The following C16orf74 variants were observed in gnomAD, a reference collection of about 807,000 sequenced individuals.
The protein encoded by C16orf74 is uncharacterized protein C16orf74.
In C16orf74, 10 loss-of-function variants were observed where a neutral mutation model predicts 6.5. The ratio of observed to expected loss-of-function variants is 1.54; its 90% CI spans 0.95 to 2.61. C16orf74 has a LOEUF of 2.61. C16orf74 is among the 30% of genes most tolerant of loss of function. C16orf74 has a pLI of 0.00. For missense variants in C16orf74, 141 were observed against 105.9 expected, an observed-to-expected ratio of 1.33 and a Z score of -1.45; for synonymous variants, 60 against 42.5, an observed-to-expected ratio of 1.41 and a Z score of -1.60.
intron 1 of C16orf74, among the ~76,000 whole-genome samples, chr16:85,745,476 C>A (rs2054363346): frequency 6.6e-6 from 1 of 152,214 alleles, no homozygotes; most frequent in African/African-American, 2.4e-5. Context: ...AACAGAAAAG[C>A]AAAATGATGT....
intron 2 of C16orf74, among the ~76,000 whole-genome samples, chr16:85,727,538 G>C (rs149798906): frequency 7.9e-5 from 12 of 152,130 alleles, no homozygotes; most frequent in Admixed American, 5.2e-4. Context: ...GGCCGGGTGC[G>C]GTGGCTCACG....
chr16:85,742,441 CT>C (rs2152065981), intron 1 of C16orf74, among the ~76,000 whole-genome samples: 1 of 152,328 alleles, frequency 6.6e-6, no homozygotes, highest in African/African-American at 2.4e-5. Context: ...CACATGATCT[CT>C]GTGGCTCCCC....
intron 2 of C16orf74, among the ~76,000 whole-genome samples, chr16:85,723,282 G>T (rs1265089767): frequency 2.2e-5 from 3 of 135,320 alleles, no homozygotes; most frequent in Admixed American, 1.5e-4. Flanking sequence ...AAAAAAAAAG[G>T]CCAGGTGCAG....
At chr16:85,747,452 A>T (rs1445087867) in intron 1 of C16orf74, among the ~76,000 whole-genome samples, 1 of 151,930 alleles carries the variant, frequency 6.6e-6, no homozygotes, top group Non-Finnish European at 1.5e-5. Context: ...CCCATCTCAA[A>T]ATAAATAAAA....
At chr16:85,733,050 C>T (rs1432144465) in intron 2 of C16orf74, among the ~76,000 whole-genome samples, 1 of 152,202 alleles carries the variant, frequency 6.6e-6, no homozygotes, top group Non-Finnish European at 1.5e-5. Flanking sequence ...GATCAAGTCC[C>T]GGCCTTGGGC....
intron 2 of C16orf74, among the ~76,000 whole-genome samples, chr16:85,712,245 C>T (rs1486008832): frequency 1.3e-5 from 2 of 152,230 alleles, no homozygotes; most frequent in African/African-American, 4.8e-5. Flanking sequence ...TTGGATGTAA[C>T]ATCATGATCG....
At chr16:85,735,605 TGCAGAGATGTGAAGA>T (rs930016078) in intron 1 of C16orf74, among the ~76,000 whole-genome samples, 1 of 151,902 alleles carries the variant, frequency 6.6e-6, no homozygotes, top group Admixed American at 6.5e-5. Flanking sequence ...CGGCCGCAGC[TGCAGAGATGTGAAGA>T]CCTGCCAGCA....
chr16:85,740,859 A>C (rs1187950696), intron 1 of C16orf74, among the ~76,000 whole-genome samples: 1 of 151,506 alleles, frequency 6.6e-6, no homozygotes, highest in African/African-American at 2.4e-5. Flanking sequence ...AAGAAAATAT[A>C]CACTGACGTG....
At chr16:85,747,744 G>C (rs1025173260) in intron 1 of C16orf74, among the ~76,000 whole-genome samples, 4 of 152,088 alleles carry the variant, frequency 2.6e-5, no homozygotes, top group African/African-American at 9.7e-5. Context: ...TCTACAGCTT[G>C]GTTTTATACA....
intron 1 of C16orf74, among the ~76,000 whole-genome samples, chr16:85,735,929 T>C (rs962124030): frequency 1.3e-5 from 2 of 152,044 alleles, no homozygotes; most frequent in Non-Finnish European, 2.9e-5. Flanking sequence ...ACTATTACTG[T>C]CCCCACTTCA....
chr16:85,735,972 G>A (rs55711551), intron 1 of C16orf74, among the ~76,000 whole-genome samples: 30,646 of 152,034 alleles, frequency 0.2, 3,415 homozygotes, highest in Middle Eastern at 0.32. Flanking sequence ...GAGAGGTGGC[G>A]GCACCTGCCC....
Position 85,710,244 on chromosome 16 carries a change from T to C in C16orf74, c.92A>G (p.Lys31Arg). The C allele has an allele frequency of 1.3e-6, 2 of 1,500,464 alleles. No homozygotes were observed. The highest frequency in any genetic ancestry group is 1.8e-6 in the Non-Finnish European group (2 of 1,136,542). The allele number at this position is 1,500,464 out of a possible 1,614,324, so 92.9% of individuals were successfully genotyped here. ...GATGATGTCGGGCACGTCCAGGTGC[T>C]TGTCGTTCAGGACGGGGGCCTCGTC... ...SHDEAPVLND[K>R]HLDVPDIIIT... The change falls in exon 3 of 4, where the codon AAG becomes AGG. Residue 31 changes from lysine to arginine, a missense_variant. Lys to Arg is a conservative substitution (Grantham distance 26). Coordinates refer to ENST00000284245, the MANE Select transcript of C16orf74 (RefSeq NM_206967.3).
At chr16:85,732,988 AG>A (rs2054206182) in intron 2 of C16orf74, among the ~76,000 whole-genome samples, 1 of 152,100 alleles carries the variant, frequency 6.6e-6, no homozygotes, top group Admixed American at 6.6e-5. Flanking sequence ...TGGAGGTGGG[AG>A]GGCATTTCCC....
intron 2 of C16orf74, among the ~76,000 whole-genome samples, chr16:85,728,571 C>T (rs1219889126): frequency 1.3e-5 from 2 of 152,198 alleles, no homozygotes; most frequent in Non-Finnish European, 2.9e-5. Flanking sequence ...TCCCAGGTAG[C>T]CCTAACGCCC....
intron 2 of C16orf74, among the ~76,000 whole-genome samples, chr16:85,711,129 C>T (rs1288868803): frequency 6.6e-6 from 1 of 151,958 alleles, no homozygotes; most frequent in Non-Finnish European, 1.5e-5. Flanking sequence ...GCCTGGCCAA[C>T]ATGGTGAAAC....
intron 1 of C16orf74, among the ~76,000 whole-genome samples, chr16:85,742,992 T>A (rs1417696949): frequency 6.6e-6 from 1 of 152,216 alleles, no homozygotes; most frequent in Non-Finnish European, 1.5e-5. Flanking sequence ...CTCATCATCG[T>A]CATCAGTGTG....
chr16:85,715,901 A>C (rs1414627012), intron 2 of C16orf74, among the ~76,000 whole-genome samples: 1 of 152,230 alleles, frequency 6.6e-6, no homozygotes, highest in Admixed American at 6.5e-5. Context: ...GTGTGAGGAC[A>C]TGAATGAATT....
intron 1 of C16orf74, among the ~76,000 whole-genome samples, chr16:85,738,102 A>T (rs1006708029): frequency 2.0e-5 from 3 of 151,520 alleles, no homozygotes; most frequent in African/African-American, 7.3e-5. Flanking sequence ...AAAATTAGTC[A>T]AGTGTGGTGG....
rs541554395 is a variant in C16orf74, at chr16:85,735,309, C to T, written c.-18-74G>A. The T allele has an allele frequency of 8.8e-6, 10 of 1,141,668 alleles. No individual in the cohort carries two copies. In the East Asian group the frequency reaches 1.9e-4, roughly 22 times the overall value. 70.7% of individuals were successfully genotyped at this position (1,141,668 alleles called of 1,614,324 possible). ...TATTGGCCACGTGCAGCCGGGCCCC[C>T]ACCCTTGGCCCTGATGAGTGCAAAA... On this transcript the variant is annotated intron_variant, in intron 1 of 3. Transcript: ENST00000284245.
Sources: gnomAD v4.1 joint callset for allele counts (sites outside exome capture counted in the v4.1 genomes callset) on GRCh38, gnomAD v4.1.1 for gene constraint, MANE v1.5 for transcripts, NCBI Gene and HGNC (gene_info 2026-07-23, HGNC 2026-07-21) for gene names.